The following GC variants were observed in gnomAD, a reference collection of about 807,000 sequenced individuals.
The protein encoded by GC is GC vitamin D binding protein.
Under a neutral mutation model 56.7 loss-of-function variants are expected in GC, and 43 were observed. That is an observed-to-expected ratio of 0.76 (90% CI 0.59 to 0.98). GC has a LOEUF of 0.98. Among genes scored for constraint, GC ranks in the 50% least tolerant of loss-of-function variants. The pLI is 0.00. For missense variants in GC, 529 were observed against 545.9 expected, an observed-to-expected ratio of 0.97 and a Z score of 0.31; for synonymous variants, 216 against 202.7, an observed-to-expected ratio of 1.07 and a Z score of -0.56.
intron 6 of GC, among the ~76,000 whole-genome samples, chr4:71,760,041 GTTT>G (rs66464250): frequency 4.9e-5 from 5 of 101,462 alleles, no homozygotes; most frequent in Non-Finnish European, 2.2e-5. Flanking sequence ...AAAGAAACTA[GTTT>G]TTTTTTTTTT....
chr4:71,774,157 C>A (rs930679325), intron 1 of GC, among the ~76,000 whole-genome samples: 1 of 152,040 alleles, frequency 6.6e-6, no homozygotes. Flanking sequence ...ACCCACATGA[C>A]ATCTATAGAT....
At chr4:71,769,186 C>CT in intron 2 of GC, 145 bp downstream of exon 2, 1 of 602,688 alleles carries the variant, frequency 1.7e-6, no homozygotes, top group Non-Finnish European at 3.0e-6. Flanking sequence ...TGCTTGACTC[C>CT]TGTGCCTACC....
intron 12 of GC, among the ~76,000 whole-genome samples, chr4:71,744,286 C>CAAAAAAAAA (rs748337307): frequency 4.8e-5 from 4 of 83,564 alleles, no homozygotes; most frequent in Non-Finnish European, 8.7e-5. Context: ...ACTAAAAATA[C>CAAAAAAAAA]AAAAAAAAAA....
rs1325283360 is a variant in GC at position 71,758,300 on chromosome 4, A to G, written c.702-129T>C. ...TTGGCCTCAAGAGATGCATGGGAGC[A>G]CATCTGCCATGCGATAGATCTTATG... On this transcript the variant is annotated intron_variant, in intron 6 of 12. Transcript: ENST00000273951. 3 of 720,690 alleles carry G rather than the reference A, an allele frequency of 4.2e-6. No individual in the cohort carries two copies. The African/African-American group carries it at 5.3e-5, about 13-fold the overall frequency. The allele number at this position is 720,690 out of a possible 1,614,324, so 44.6% of individuals were successfully genotyped here.
chr4:71,784,278 A>T (rs1430140161), upstream of GC: 1 of 1,162,720 alleles, frequency 8.6e-7, no homozygotes, highest in East Asian at 4.2e-5. Context: ...AGGAGATTTT[A>T]ATCATTAACT....
chr4:71,804,147 A>G (rs1317189048), upstream of GC: 1 of 599,756 alleles, frequency 1.7e-6, no homozygotes, highest in East Asian at 2.8e-5. Flanking sequence ...TGAGCAATGG[A>G]TGAAAGGAAT....
rs1742274680 is a variant in GC at position 71,769,390 on chromosome 4, A to G, written c.69T>C (p.Tyr23=). ...FGHALERGRD[Y]EKNKVCKEFS... is the part of the protein sequence containing the mutation. ...ATTCCTTGCAGACTTTATTCTTTTC[A>G]TAATCCCGGCCTAGGAGGCAGAAAT... Residue 23 remains tyrosine (Y), a synonymous_variant, in exon 2 of 13, where the codon TAT becomes TAC. Transcript: ENST00000273951. The G allele has an allele frequency of 6.2e-7, 1 of 1,612,146 alleles. No individual in the cohort carries two copies. The highest frequency in any genetic ancestry group is 8.5e-7 in the Non-Finnish European group (1 of 1,178,448).
intron 1 of GC, among the ~76,000 whole-genome samples, chr4:71,793,009 C>T (rs1743009474): frequency 1.3e-5 from 2 of 152,100 alleles, no homozygotes; most frequent in Non-Finnish European, 2.9e-5. Flanking sequence ...TGTTCTGTTC[C>T]AATGGTCTAT....
chr4:71,763,505 A>C lies in GC; in HGVS notation c.607-3T>G. On this transcript the variant is annotated splice_region_variant and splice_polypyrimidine_tract_variant and intron_variant, in intron 5 of 12. Coordinates refer to ENST00000273951, the MANE Select transcript of GC (RefSeq NM_000583.4). ...GATAAATGTTTAAGCTGGAGTCTCT[A>C]GAAAACAAGTGAAAGAATCTCATTA... is the stretch of plus-strand genomic sequence containing the variant. The C allele has an allele frequency of 6.5e-7, 1 of 1,549,994 alleles. No homozygotes were observed. The highest frequency in any genetic ancestry group is 8.9e-7 in the Non-Finnish European group (1 of 1,123,006).
At position 71,752,604 on chromosome 4, in the gene GC, C is replaced by T; in HGVS notation, c.1309G>A (p.Glu437Lys). The T allele has an allele frequency of 6.2e-7, 1 of 1,613,622 alleles. No individual in the cohort carries two copies. Among genetic ancestry groups the T allele is most frequent in the Non-Finnish European group, 8.5e-7 (1 of 1,179,606 alleles). Residue 437 changes from glutamate to lysine, a missense_variant, in exon 11 of 13, where the codon GAA becomes AAA. Physicochemically the swap from Glu to Lys is moderately conservative, Grantham distance 56. Coordinates refer to ENST00000273951, the MANE Select transcript of GC (RefSeq NM_000583.4). Reference protein sequence around the residue: ...KAKLPDATPTELAKLVNKHSD... With the variant: ...KAKLPDATPTKLAKLVNKHSD... ...TGCTTGTTAACCAGCTTTGCCAGTT[C>T]CGTGGGTGTGGCATCAGGCAATTTT...
chr4:71,757,958 T>A (rs1485981814), intron 7 of GC, 84 bp downstream of exon 7: 5 of 1,110,244 alleles, frequency 4.5e-6, no homozygotes, highest in Non-Finnish European at 6.5e-6. Context: ...GCATATGAAA[T>A]AGAACTTAGA....
At chr4:71,754,066 A>C (rs1741640752) in intron 10 of GC, among the ~76,000 whole-genome samples, 1 of 152,194 alleles carries the variant, frequency 6.6e-6, no homozygotes, top group Admixed American at 6.5e-5. Context: ...ACTTTTAAAA[A>C]AATAAAATGA....
At chr4:71,803,957 T>A in exon 1 of GC, 2 of 1,491,548 alleles carry the variant, frequency 1.3e-6, no homozygotes, top group African/African-American at 2.8e-5. Flanking sequence ...TTCCTACCAG[T>A]TGGACTAGTC....
chr4:71,745,205 C>G (rs1359171108), intron 12 of GC, among the ~76,000 whole-genome samples: 3 of 152,152 alleles, frequency 2.0e-5, no homozygotes, highest in Non-Finnish European at 4.4e-5. Context: ...GGATAGATAA[C>G]TTGCTCAAAT....
chr4:71,766,683 A>G (rs957785764), intron 3 of GC, among the ~76,000 whole-genome samples: 7 of 152,154 alleles, frequency 4.6e-5, no homozygotes, highest in African/African-American at 1.7e-4. Flanking sequence ...ACTTCTCACC[A>G]TCTTCCGTAC....
intron 7 of GC, among the ~76,000 whole-genome samples, chr4:71,757,237 G>C (rs920069014): frequency 5.1e-4 from 78 of 152,090 alleles, no homozygotes; most frequent in African/African-American, 1.8e-3. Context: ...TAGAGGATTA[G>C]TAAAATAAAA....
chr4:71,793,044 T>C (rs944372297), intron 1 of GC, among the ~76,000 whole-genome samples: 1 of 152,216 alleles, frequency 6.6e-6, no homozygotes. Flanking sequence ...ACGGGTACCA[T>C]GCTGTTTTGG....
At chr4:71,752,392 T>C (rs992104183) in intron 11 of GC, 126 bp downstream of exon 11, 5 of 720,092 alleles carry the variant, frequency 6.9e-6, no homozygotes, top group Non-Finnish European at 1.1e-5. Flanking sequence ...ACAGCCAAGT[T>C]ACAATAACAC....
chr4:71,776,425 A>T (rs774510762), intron 1 of GC, among the ~76,000 whole-genome samples: 4 of 151,892 alleles, frequency 2.6e-5, no homozygotes, highest in Non-Finnish European at 4.4e-5. Context: ...AAAATACTGC[A>T]TTATATCATA....
Sources: gnomAD v4.1 joint callset for allele counts (sites outside exome capture counted in the v4.1 genomes callset) on GRCh38, gnomAD v4.1.1 for gene constraint, MANE v1.5 for transcripts, NCBI Gene and HGNC (gene_info 2026-07-23, HGNC 2026-07-21) for gene names.